DLGAP1: variants seen among roughly 807,000 people sequenced by gnomAD.
DLGAP1 encodes DLG associated protein 1.
Under a neutral mutation model 90.8 loss-of-function variants are expected in DLGAP1, and 11 were observed. That is an observed-to-expected ratio of 0.12 (90% CI 0.08 to 0.20). DLGAP1 has a LOEUF of 0.20. Among genes scored for constraint, DLGAP1 ranks in the 10% least tolerant of loss-of-function variants. DLGAP1 has a pLI of 1.00. For missense variants in DLGAP1, 1,050 were observed against 1,333.8 expected, an observed-to-expected ratio of 0.79 and a Z score of 3.31; for synonymous variants, 558 against 540.7, an observed-to-expected ratio of 1.03 and a Z score of -0.44.
intron 1 of DLGAP1, among the ~76,000 whole-genome samples, chr18:4,224,150 A>G (rs2078136715): frequency 6.6e-6 from 1 of 152,154 alleles, no homozygotes; most frequent in African/African-American, 2.4e-5. Flanking sequence ...TCACGGGCTG[A>G]CTAAAGAGCT....
intron 7 of DLGAP1, among the ~76,000 whole-genome samples, chr18:3,700,646 G>C (rs1006046556): frequency 2.0e-5 from 3 of 152,114 alleles, no homozygotes; most frequent in Non-Finnish European, 2.9e-5. Context: ...GTCTCTGTCT[G>C]TTGCCCAGGC....
chr18:3,582,200 G>C lies in DLGAP1; in HGVS notation c.1640C>G (p.Pro547Arg). The change falls in exon 8 of 13, where the codon CCC becomes CGC. Residue 547 changes from proline to arginine, a missense_variant. By Grantham distance (103) the Pro-to-Arg change is moderately radical (BLOSUM62 -2). Around this residue, in one of 2 missense-constraint regions of DLGAP1, gnomAD observed 565 missense variants for 879.7 expected, o/e 0.64. Coordinates refer to ENST00000315677, the MANE Select transcript of DLGAP1 (RefSeq NM_004746.4). Reference protein sequence around the residue: ...TYKKTPPPVPPRTTTKPFISI... With the variant: ...TYKKTPPPVPRRTTTKPFISI... ...AATGAAAGGTTTCGTGGTAGTTCTG[G>C]GTGGGACTGGAGGTGGTGTCTTCTT... The C allele has an allele frequency of 6.2e-7, 1 of 1,614,094 alleles. No individual in the cohort carries two copies. The highest frequency in any genetic ancestry group is 2.2e-5 in the East Asian group (1 of 44,876).
Position 3,672,201 on chromosome 18 carries a change from G to GACACACACACACAC in DLGAP1, c.1591+56920_1591+56933dup, listed in dbSNP as rs3223621. 6.3e-4 allele frequency among the ~76,000 whole-genome samples: 90 copies of GACACACACACACAC among 143,588 alleles called. 1 individual carries two copies. The East Asian group carries it at 6.9e-3, about 11-fold the overall frequency. The allele number at this position is 143,588 out of a possible 152,430, so 94.2% of individuals were successfully genotyped here. Reference sequence around the variant, plus strand: ...TTACTAATCATTCAACTGCTGATTAGACACACACACACACACACACACACA... The same window carrying GACACACACACACAC: ...TTACTAATCATTCAACTGCTGATTAGACACACACACACACACACACACACACACACACACACACA... On this transcript the variant is annotated intron_variant, in intron 7 of 12. Transcript: ENST00000315677.
chr18:4,319,957 G>A (rs1055447588), intron 1 of DLGAP1, among the ~76,000 whole-genome samples: 1 of 152,010 alleles, frequency 6.6e-6, no homozygotes, highest in Non-Finnish European at 1.5e-5. Flanking sequence ...CTCTGGGAGG[G>A]AACCCCATCC....
chr18:3,849,369 C>G (rs535580892), intron 4 of DLGAP1, among the ~76,000 whole-genome samples: 15 of 152,210 alleles, frequency 9.9e-5, no homozygotes, highest in Admixed American at 7.8e-4. Flanking sequence ...AGAGAACTGA[C>G]TCTCTGCTAG....
intron 3 of DLGAP1, among the ~76,000 whole-genome samples, chr18:3,924,495 T>G (rs909845211): frequency 2.0e-5 from 3 of 152,178 alleles, no homozygotes; most frequent in Admixed American, 1.3e-4. Context: ...ACTAAGTCAA[T>G]GCCATTAGCA....
chr18:3,623,439 C>T (rs961758584), intron 7 of DLGAP1, among the ~76,000 whole-genome samples: 1 of 152,206 alleles, frequency 6.6e-6, no homozygotes, highest in Non-Finnish European at 1.5e-5. Context: ...GGGATTCAGT[C>T]CGTCTTAGGT....
intron 1 of DLGAP1, among the ~76,000 whole-genome samples, chr18:4,299,997 TC>T (rs1018671740): frequency 2.9e-4 from 42 of 142,554 alleles, no homozygotes; most frequent in African/African-American, 6.6e-4. Flanking sequence ...ATTTAGAATA[TC>T]CAAAAAAAAG....
At chr18:3,821,782 A>G in intron 4 of DLGAP1, 2 of 453,880 alleles carry the variant, frequency 4.4e-6, no homozygotes, top group African/African-American at 2.1e-5. Context: ...AGCATTTGTA[A>G]GAAGGCTCCA....
intron 2 of DLGAP1, among the ~76,000 whole-genome samples, chr18:4,046,853 G>C (rs1039044875): frequency 4.6e-5 from 7 of 152,320 alleles, no homozygotes; most frequent in Admixed American, 3.3e-4. Context: ...TTCATGTCTA[G>C]AGGCAACAGT....
In DLGAP1 at chr18:3,892,903, A is replaced by AATAT. The variant is rs200027950; in HGVS notation, c.-72-12767_-72-12764dup. On this transcript the variant is annotated intron_variant, in intron 3 of 12. Transcript: ENST00000315677. The stretch of plus-strand genomic sequence containing the variant: ...ATATAAAGAATTATAAATATATATA[A>AATAT]ATATATATATTTATATATATAATTT... Among the ~76,000 whole-genome samples the AATAT allele has an allele frequency of 9.1e-3, 1,346 of 147,554 alleles. 19 individuals carry two copies. The highest frequency in any genetic ancestry group is 0.031 in the African/African-American group (1,243 of 40,556).
At chr18:4,322,970 G>GAAAAAAAAAAAAAAAAAAAAAAAAA (rs1398796779) in intron 1 of DLGAP1, among the ~76,000 whole-genome samples, 1 of 130,056 alleles carries the variant, frequency 7.7e-6, no homozygotes. Flanking sequence ...AAAAAAAAAG[G>GAAAAAAAAAAAAAAAAAAAAAAAAA]AAAAAGCTAC....
At position 3,704,293 on chromosome 18, in the gene DLGAP1, G is replaced by A. The variant is rs1347608948; in HGVS notation, c.1591+24842C>T. 3.3e-5 allele frequency among the ~76,000 whole-genome samples: 5 copies of A among 152,276 alleles called. No individual in the cohort carries two copies. In the East Asian group the frequency reaches 5.8e-4, roughly 18 times the overall value. On this transcript the variant is annotated intron_variant, in intron 7 of 12. Coordinates refer to ENST00000315677, the MANE Select transcript of DLGAP1 (RefSeq NM_004746.4). The stretch of plus-strand genomic sequence containing the variant: ...TCCCACATTAAAGAAAAAATTGACC[G>A]GGTGTGGTGGCTCATGCCTGTAATC...
chr18:4,114,358 A>G (rs555403671), intron 2 of DLGAP1, among the ~76,000 whole-genome samples: 54 of 151,798 alleles, frequency 3.6e-4, no homozygotes, highest in African/African-American at 1.3e-3. Flanking sequence ...CTTTATTATT[A>G]TTTTTTGTGA....
intron 1 of DLGAP1, among the ~76,000 whole-genome samples, chr18:4,394,579 T>C (rs1459245235): frequency 6.6e-6 from 1 of 152,140 alleles, no homozygotes; most frequent in Non-Finnish European, 1.5e-5. Context: ...GTTTAATCAA[T>C]TTTTGGAATA....
intron 1 of DLGAP1, among the ~76,000 whole-genome samples, chr18:4,321,281 A>AT (rs1180588838): frequency 6.6e-6 from 1 of 152,240 alleles, no homozygotes; most frequent in Non-Finnish European, 1.5e-5. Context: ...GCCATAAAAC[A>AT]TTAATTACAA....
intron 5 of DLGAP1, among the ~76,000 whole-genome samples, chr18:3,773,704 G>C (rs1415299137): frequency 6.6e-6 from 1 of 152,156 alleles, no homozygotes; most frequent in Non-Finnish European, 1.5e-5. Context: ...CTGATAGTAA[G>C]TGCTATTTGT....
intron 3 of DLGAP1, among the ~76,000 whole-genome samples, chr18:3,903,268 T>C (rs189428101): frequency 1.3e-5 from 2 of 152,112 alleles, no homozygotes; most frequent in Non-Finnish European, 2.9e-5. Context: ...GCAAACCCAG[T>C]AGAAAGTGAA....
At chr18:3,872,382 T>C (rs1437047495) in intron 4 of DLGAP1, among the ~76,000 whole-genome samples, 3 of 152,208 alleles carry the variant, frequency 2.0e-5, no homozygotes, top group East Asian at 3.9e-4. Context: ...TTTATAAACA[T>C]AGAGGACTGG....
Sources: gnomAD v4.1 joint callset for allele counts (sites outside exome capture counted in the v4.1 genomes callset) on GRCh38, gnomAD v4.1.1 for gene constraint, gnomAD v4.1.1 regional missense constraint, MANE v1.5 for transcripts, NCBI Gene and HGNC (gene_info 2026-07-23, HGNC 2026-07-21) for gene names.